PRMT8: variants seen among roughly 807,000 people sequenced by gnomAD.
PRMT8 encodes protein arginine methyltransferase 8.
A neutral mutation model predicts 47.1 loss-of-function variants in PRMT8; 7 were observed. The ratio of observed to expected loss-of-function variants is 0.15; its 90% CI spans 0.08 to 0.28. The LOEUF (loss-of-function observed/expected upper bound fraction) is 0.28, where lower values mean the gene tolerates loss of function less well. Ranked by LOEUF, PRMT8 falls within the 10% of genes least tolerant of loss-of-function variation. The pLI, the probability that PRMT8 is intolerant of heterozygous loss-of-function variation, is 1.00. For missense variants in PRMT8, 237 were observed against 505.4 expected, an observed-to-expected ratio of 0.47 and a Z score of 5.09; for synonymous variants, 188 against 186.5, an observed-to-expected ratio of 1.01 and a Z score of -0.07.
At chr12:3,438,788 G>GT (rs1864770809) in intron 1 of PRMT8, among the ~76,000 whole-genome samples, 1 of 152,226 alleles carries the variant, frequency 6.6e-6, no homozygotes, top group Non-Finnish European at 1.5e-5. Flanking sequence ...AGAGTGGTGA[G>GT]TTTCATAGAG....
chr12:3,592,446 G>T, intron 9 of PRMT8, 94 bp downstream of exon 9: 1 of 1,387,068 alleles, frequency 7.2e-7, no homozygotes, highest in African/African-American at 1.5e-5. Context: ...AGTGTCTCAT[G>T]AACAGTCAGA....
chr12:3,438,389 G>T (rs1460551169), intron 1 of PRMT8, among the ~76,000 whole-genome samples: 2 of 152,212 alleles, frequency 1.3e-5, no homozygotes, highest in African/African-American at 4.8e-5. Flanking sequence ...GGGCACGTGG[G>T]GTCGGGCCGT....
intron 1 of PRMT8, among the ~76,000 whole-genome samples, chr12:3,510,605 G>C (rs1730252464): frequency 6.6e-6 from 1 of 152,192 alleles, no homozygotes; most frequent in Admixed American, 6.5e-5. Context: ...CCTACTCGAA[G>C]ATGTAAAGAA....
chr12:3,412,545 C>T (rs1170180089), intron 1 of PRMT8, among the ~76,000 whole-genome samples: 2 of 152,224 alleles, frequency 1.3e-5, no homozygotes, highest in South Asian at 2.1e-4. Flanking sequence ...TTAAAGCACA[C>T]ATTGTACATC....
At chr12:3,450,311 T>C (rs539197990) in intron 1 of PRMT8, among the ~76,000 whole-genome samples, 1 of 152,368 alleles carries the variant, frequency 6.6e-6, no homozygotes, top group African/African-American at 2.4e-5. Context: ...CTTTTACCCA[T>C]ATGAGATTTT....
chr12:3,462,593 G>A (rs539871877), intron 1 of PRMT8: 1 of 152,072 alleles, frequency 6.6e-6, no homozygotes, highest in East Asian at 1.9e-4. Context: ...GTCTCTCCAG[G>A]CCTGATGACT....
intron 1 of PRMT8, among the ~76,000 whole-genome samples, chr12:3,496,214 A>ATATATATATATATATATATATTT: frequency 7.2e-5 from 2 of 27,768 alleles, no homozygotes; most frequent in East Asian, 1.7e-3. Context: ...ATATATATAT[A>ATATATATATATATATATATATTT]TTTTTTTTTT....
chr12:3,383,330 T>C (rs1011052383), intron 1 of PRMT8, among the ~76,000 whole-genome samples: 3 of 152,268 alleles, frequency 2.0e-5, no homozygotes, highest in Non-Finnish European at 4.4e-5. Flanking sequence ...CTTTCCTCTG[T>C]TGAGGCTTCT....
intron 1 of PRMT8, among the ~76,000 whole-genome samples, chr12:3,510,950 A>G (rs1439006636): frequency 6.6e-6 from 1 of 152,174 alleles, no homozygotes; most frequent in East Asian, 1.9e-4. Flanking sequence ...AAAGTCAAGA[A>G]TCAAGAGCCA....
chr12:3,567,341 C>T (rs1054784174), intron 4 of PRMT8, among the ~76,000 whole-genome samples: 5 of 152,234 alleles, frequency 3.3e-5, no homozygotes, highest in African/African-American at 9.6e-5. Context: ...GAAGATCTGG[C>T]ACTTAAACCT....
In PRMT8 at chr12:3,585,093, C is replaced by T. The variant is rs531313557; in HGVS notation, c.979+1885C>T. ...GTCAGTCTCCTGCATGAGTAGGGATCATATCTCAGTGATCTCTGCATTCCT... is the reference window on the plus strand; with the variant it reads ...GTCAGTCTCCTGCATGAGTAGGGATTATATCTCAGTGATCTCTGCATTCCT... On this transcript the variant is annotated intron_variant, in intron 8 of 9. Coordinates refer to ENST00000382622, the MANE Select transcript of PRMT8 (RefSeq NM_019854.5). Among the ~76,000 whole-genome samples, 7 of 152,274 alleles carry T rather than the reference C, an allele frequency of 4.6e-5. No homozygotes were observed. The South Asian group carries it at 1.4e-3, about 32-fold the overall frequency.
At chr12:3,489,831 ACACG>A (rs761471846), upstream of PRMT8, among the ~76,000 whole-genome samples, 2,716 of 101,408 alleles carry the variant, frequency 0.027, 52 homozygotes, top group East Asian at 0.13. Context: ...ACACACACAC[ACACG>A]CGCGCACACA....
At chr12:3,505,153 AC>A (rs1188934438) in intron 1 of PRMT8, among the ~76,000 whole-genome samples, 1 of 150,290 alleles carries the variant, frequency 6.7e-6, no homozygotes, top group Non-Finnish European at 1.5e-5. Context: ...TGCAGAAATC[AC>A]CCGTCTTCTG....
chr12:3,418,444 A>T (rs1046604902), intron 1 of PRMT8, among the ~76,000 whole-genome samples: 4 of 152,184 alleles, frequency 2.6e-5, no homozygotes, highest in Non-Finnish European at 4.4e-5. Flanking sequence ...TTCTTTGATG[A>T]GCTTCTGCTC....
intron 1 of PRMT8, among the ~76,000 whole-genome samples, chr12:3,445,745 A>G (rs1264135167): frequency 6.6e-6 from 1 of 152,076 alleles, no homozygotes; most frequent in African/African-American, 2.4e-5. Context: ...AAAAGGAAAT[A>G]CTCTCCAGTG....
chr12:3,548,899 C>T (rs2137174711), intron 2 of PRMT8, among the ~76,000 whole-genome samples: 1 of 152,270 alleles, frequency 6.6e-6, no homozygotes, highest in East Asian at 1.9e-4. Context: ...TGGAAAGAAT[C>T]CTAATATCCC....
chr12:3,570,469 A>G lies in PRMT8; in HGVS notation c.712+905A>G, dbSNP rs1338638097. Among the ~76,000 whole-genome samples the G allele has an allele frequency of 2.6e-5, 4 of 152,200 alleles. No homozygotes were observed. In the East Asian group the frequency reaches 7.7e-4, roughly 29 times the overall value. On this transcript the variant is annotated intron_variant, in intron 6 of 9. Transcript: ENST00000382622. The surrounding 1 kb of genome is among the most constrained non-coding windows in gnomAD (Gnocchi z 5.5). Reference sequence around the variant, plus strand: ...AAGAGGCAGAAGCTCCAACCTATCCATCAGACTGGGCACATCTGCGGTTCC... The same window carrying G: ...AAGAGGCAGAAGCTCCAACCTATCCGTCAGACTGGGCACATCTGCGGTTCC...
At chr12:3,445,295 T>C (rs1385420866) in intron 1 of PRMT8, among the ~76,000 whole-genome samples, 1 of 152,202 alleles carries the variant, frequency 6.6e-6, no homozygotes, top group African/African-American at 2.4e-5. Flanking sequence ...GCCTGCAGCT[T>C]AGCCACTGCC....
chr12:3,529,640 G>A (rs949593915), intron 1 of PRMT8, among the ~76,000 whole-genome samples: 5 of 152,186 alleles, frequency 3.3e-5, no homozygotes, highest in Admixed American at 2.6e-4. Context: ...GAATTAGGTG[G>A]AAGATGTCTA....
Sources: gnomAD v4.1 joint callset for allele counts (sites outside exome capture counted in the v4.1 genomes callset) on GRCh38, gnomAD v4.1.1 for gene constraint, Gnocchi (gnomAD v3.1) non-coding constraint, MANE v1.5 for transcripts, NCBI Gene and HGNC (gene_info 2026-07-23, HGNC 2026-07-21) for gene names.